SMARCA5: variants seen among roughly 807,000 people sequenced by gnomAD.
SMARCA5 encodes the protein SWI/SNF-related matrix-associated actin-dependent regulator of chromatin subfamily A member 5.
In SMARCA5, 18 loss-of-function variants were observed where a neutral mutation model predicts 140.4. The observed-to-expected ratio is 0.13, with a 90% CI of 0.09 to 0.19. The LOEUF (loss-of-function observed/expected upper bound fraction) is 0.19, where lower values mean the gene tolerates loss of function less well. Ranked by LOEUF, SMARCA5 falls within the 10% of genes least tolerant of loss-of-function variation. The pLI is 1.00. For missense variants in SMARCA5, 606 were observed against 1,276.8 expected (o/e 0.47, Z 8.01); for synonymous variants, 449 against 419.6 (o/e 1.07, Z -0.86).
At position 143,553,094 on chromosome 4, in the gene SMARCA5, A is replaced by G; in HGVS notation, c.3094-25A>G. ...TTCATGTTTATATTAGTCTTGTGAAAAGTAATCCTTCTGTCTGTTTGTAGA... is the reference window on the plus strand; with the variant it reads ...TTCATGTTTATATTAGTCTTGTGAAGAGTAATCCTTCTGTCTGTTTGTAGA... On this transcript the variant is annotated intron_variant, in intron 23 of 23. Transcript: ENST00000283131. The G allele has an allele frequency of 3.2e-6, 5 of 1,586,102 alleles. No individual in the cohort carries two copies. The highest frequency in any genetic ancestry group is 4.3e-6 in the Non-Finnish European group (5 of 1,154,782).
chr4:143,539,235 GCCTCCTT>G (rs1737378023), intron 13 of SMARCA5, among the ~76,000 whole-genome samples: 1 of 152,122 alleles, frequency 6.6e-6, no homozygotes, highest in Non-Finnish European at 1.5e-5. Context: ...CCTTGAAAGA[GCCTCCTT>G]GTCTCTCCAC....
At chr4:143,533,498 C>CT (rs10580434) in intron 9 of SMARCA5, among the ~76,000 whole-genome samples, 8,679 of 126,864 alleles carry the variant, frequency 0.068, 802 homozygotes, top group Non-Finnish European at 0.099. Context: ...CTTGTCCATT[C>CT]TTTTTTTTTT....
intron 3 of SMARCA5, among the ~76,000 whole-genome samples, chr4:143,524,098 T>G (rs1213284171): frequency 2.6e-5 from 4 of 152,168 alleles, no homozygotes; most frequent in Non-Finnish European, 4.4e-5. Context: ...GACTACATAG[T>G]TCTTGAAATT....
chr4:143,543,164 CA>C (rs1737463945), intron 14 of SMARCA5, among the ~76,000 whole-genome samples: 1 of 152,162 alleles, frequency 6.6e-6, no homozygotes, highest in Non-Finnish European at 1.5e-5. Flanking sequence ...CCTTTCTGCT[CA>C]TCAGAAACTT....
chr4:143,517,884 A>G (rs1736872875), intron 2 of SMARCA5, among the ~76,000 whole-genome samples: 1 of 152,212 alleles, frequency 6.6e-6, no homozygotes, highest in Non-Finnish European at 1.5e-5. Flanking sequence ...ACAGATATCC[A>G]TTTGAAATAT....
At chr4:143,519,898 C>T (rs1277660921) in intron 2 of SMARCA5, among the ~76,000 whole-genome samples, 1 of 152,122 alleles carries the variant, frequency 6.6e-6, no homozygotes, top group Non-Finnish European at 1.5e-5. Flanking sequence ...TCCAATCTTC[C>T]TCCACAAAGA....
At chr4:143,527,279 T>C (rs1737093813) in intron 6 of SMARCA5, among the ~76,000 whole-genome samples, 1 of 152,218 alleles carries the variant, frequency 6.6e-6, no homozygotes, top group Non-Finnish European at 1.5e-5. Context: ...TGTACTTGTT[T>C]TTTATTTCCT....
intron 3 of SMARCA5, among the ~76,000 whole-genome samples, chr4:143,522,486 C>T (rs372397155): frequency 1.4e-4 from 22 of 152,258 alleles, no homozygotes; most frequent in East Asian, 7.7e-4. Flanking sequence ...GTTAAATTCA[C>T]TACACAGTTT....
At chr4:143,550,176 G>T in intron 23 of SMARCA5, 72 bp downstream of exon 23, 2 of 819,642 alleles carry the variant, frequency 2.4e-6, no homozygotes. Flanking sequence ...ACACTGCTTG[G>T]CTGTCATTGA....
intron 18 of SMARCA5, 138 bp downstream of exon 18, chr4:143,545,721 A>T (rs1234045601): frequency 1.3e-6 from 1 of 781,628 alleles, no homozygotes; most frequent in Non-Finnish European, 2.1e-6. Flanking sequence ...GTATGTATGA[A>T]ATACATAAAC....
intron 2 of SMARCA5, among the ~76,000 whole-genome samples, chr4:143,517,638 CATT>C (rs1736868064): frequency 2.6e-5 from 4 of 152,132 alleles, no homozygotes; most frequent in Admixed American, 2.6e-4. Flanking sequence ...CTTGCAGTGT[CATT>C]ATATGGAGGA....
Position 143,520,884 on chromosome 4 carries a change from G to A in SMARCA5, c.253-545G>A, listed in dbSNP as rs1300733961. 2.6e-5 allele frequency among the ~76,000 whole-genome samples: 4 copies of A among 152,042 alleles called. No homozygotes were observed. The South Asian group carries it at 8.3e-4, about 32-fold the overall frequency. Reference sequence around the variant, plus strand: ...GGCAGATGGCAGATACGAAAGGAAGGAATAGTATCAATCCCAATACCGTTT... The same window carrying A: ...GGCAGATGGCAGATACGAAAGGAAGAAATAGTATCAATCCCAATACCGTTT... On this transcript the variant is annotated intron_variant, in intron 2 of 23. Coordinates refer to ENST00000283131, the MANE Select transcript of SMARCA5 (RefSeq NM_003601.4).
chr4:143,541,982 T>C (rs1012758934), intron 14 of SMARCA5, among the ~76,000 whole-genome samples: 59 of 152,002 alleles, frequency 3.9e-4, no homozygotes, highest in African/African-American at 1.4e-3. Context: ...CTCAGCCTCC[T>C]GAGTAGCTGG....
At chr4:143,522,659 C>T (rs1179022700) in intron 3 of SMARCA5, among the ~76,000 whole-genome samples, 2 of 152,060 alleles carry the variant, frequency 1.3e-5, no homozygotes, top group African/African-American at 2.4e-5. Flanking sequence ...CAATTTTGCC[C>T]TTCAGCTGTA....
Position 143,547,421 on chromosome 4 carries a change from T to C in SMARCA5, c.2690T>C (p.Ile897Thr). Reference protein sequence around the residue: ...FWERCNELQDIEKIMAQIERG... With the variant: ...FWERCNELQDTEKIMAQIERG... ...GAAAGGTGCAACGAGCTCCAGGACATAGAGAAGATTATGGCTCAGATTGAA... is the reference window on the plus strand; with the variant it reads ...GAAAGGTGCAACGAGCTCCAGGACACAGAGAAGATTATGGCTCAGATTGAA... Residue 897 changes from isoleucine to threonine, a missense_variant, in exon 21 of 24, where the codon ATA becomes ACA. Physicochemically the swap from Ile to Thr is moderately conservative, Grantham distance 89. This residue lies in a region of SMARCA5 where 121 missense variants were observed against 227.1 expected (regional missense o/e 0.53). Coordinates refer to ENST00000283131, the MANE Select transcript of SMARCA5 (RefSeq NM_003601.4). The C allele has an allele frequency of 6.2e-7, 1 of 1,609,310 alleles. No individual in the cohort carries two copies. Among genetic ancestry groups the C allele is most frequent in the Non-Finnish European group, 8.5e-7 (1 of 1,176,132 alleles).
chr4:143,545,565 A>G lies in SMARCA5; in HGVS notation c.2379A>G (p.Arg793=). ...ELLEKEILFY[R]KTIGYKVPRN... ...TGGAAAAAGAAATTCTGTTTTACAG[A>G]AAAACTATTGGGTACAAGGTAATTG... is the stretch of plus-strand genomic sequence containing the variant. The change falls in exon 18 of 24, where the codon AGA becomes AGG. Residue 793 remains arginine (R), a synonymous_variant. Transcript: ENST00000283131. 2 of 1,584,646 alleles carry G rather than the reference A, an allele frequency of 1.3e-6. No individual in the cohort carries two copies. Among genetic ancestry groups the G allele is most frequent in the South Asian group, 2.2e-5 (2 of 90,324 alleles).
chr4:143,515,638 T>G (rs1736813413), intron 1 of SMARCA5, among the ~76,000 whole-genome samples: 1 of 152,196 alleles, frequency 6.6e-6, no homozygotes. Context: ...CAAGTCAACA[T>G]TTTTGACTTG....
chr4:143,537,163 TATATTTA>T (rs1252274459), intron 11 of SMARCA5, among the ~76,000 whole-genome samples: 8 of 152,294 alleles, frequency 5.3e-5, no homozygotes, highest in Non-Finnish European at 8.8e-5. Context: ...TGTGTTTGGG[TATATTTA>T]AATTACACGA....
chr4:143,533,114 A>G (rs1481197834), intron 9 of SMARCA5, among the ~76,000 whole-genome samples: 1 of 152,232 alleles, frequency 6.6e-6, no homozygotes, highest in Non-Finnish European at 1.5e-5. Flanking sequence ...TTCTATGAAA[A>G]TGAGTGAACT....
Sources: gnomAD v4.1 joint callset for allele counts (sites outside exome capture counted in the v4.1 genomes callset) on GRCh38, gnomAD v4.1.1 for gene constraint, gnomAD v4.1.1 regional missense constraint, MANE v1.5 for transcripts, NCBI Gene and HGNC (gene_info 2026-07-23, HGNC 2026-07-21) for gene names.